The following MYLK4 variants were observed in gnomAD, a reference collection of about 807,000 sequenced individuals.
The protein encoded by MYLK4 is caMLCK like.
MYLK4 carries 46 observed loss-of-function variants against 48.1 expected under a neutral mutation model. The ratio of observed to expected loss-of-function variants is 0.96; its 90% confidence interval spans 0.75 to 1.22. MYLK4 has a LOEUF of 1.22. Ranked by LOEUF, MYLK4 falls within the 50% of genes most tolerant of loss-of-function variation. MYLK4 has a pLI of 0.00. For synonymous variants in MYLK4, 170 were observed against 180.8 expected (o/e 0.94, Z 0.48); for missense variants, 451 against 486.1 (o/e 0.93, Z 0.68).
At position 2,685,636 on chromosome 6, in the gene MYLK4, C is replaced by T. The variant is rs12527866; in HGVS notation, c.342-60G>A. 2.4e-3 allele frequency: 3,562 copies of T among 1,466,152 alleles called. 21 individuals carry two copies. The highest frequency in any genetic ancestry group is 2.0e-3 in the Non-Finnish European group (2,089 of 1,050,280). The allele number at this position is 1,466,152 out of a possible 1,614,324, so 90.8% of individuals were successfully genotyped here. ...CTGTGGTCAGCTGCCGAGTGGACAG[C>T]GCACAGTGGCCCCAGTATTTCTCCT... On this transcript the variant is annotated intron_variant, in intron 4 of 12. Coordinates refer to ENST00000274643, the MANE Select transcript of MYLK4 (RefSeq NM_001012418.5). This position sits in a 1 kb window ranked among gnomAD's most constrained non-coding sequence, Gnocchi z 4.5.
In MYLK4 at chr6:2,749,172, A is replaced by AT. The variant is rs745705002; in HGVS notation, c.122dup (p.Asn41LysfsTer12). On this transcript the variant is annotated frameshift_variant, in exon 2 of 13. Coordinates refer to ENST00000274643, the MANE Select transcript of MYLK4 (RefSeq NM_001012418.5). LOFTEE classifies it high-confidence loss of function. ...CAGATCTTGAATCCTGGTCCCCAGA[A>AT]TTTTTTTCCAGAAAACACTTCACTT... The AT allele has an allele frequency of 1.4e-5, 23 of 1,613,690 alleles. No homozygotes were observed. The African/African-American group carries it at 1.6e-4, about 11-fold the overall frequency.
Position 2,690,418 on chromosome 6 carries a change from G to A in MYLK4, c.236-1462C>T, listed in dbSNP as rs139459482. Reference sequence around the variant, plus strand: ...GAACTTCCAGGGATTCGTGGGGGTAGAAATGGCCCTTATGCTGCTGACACA... The same window carrying A: ...GAACTTCCAGGGATTCGTGGGGGTAAAAATGGCCCTTATGCTGCTGACACA... On this transcript the variant is annotated intron_variant, in intron 3 of 12. Transcript: ENST00000274643. Among the ~76,000 whole-genome samples the A allele has an allele frequency of 1.8e-4, 28 of 152,342 alleles. No homozygotes were observed. In the East Asian group the frequency reaches 5.0e-3, roughly 27 times the overall value.
intron 3 of MYLK4, among the ~76,000 whole-genome samples, chr6:2,691,039 C>T (rs1049658593): frequency 2.0e-5 from 3 of 152,038 alleles, no homozygotes; most frequent in African/African-American, 7.2e-5. Flanking sequence ...ACCGTGTTAG[C>T]CAGGATGGTC....
At chr6:2,725,288 T>G (rs139090729) in intron 2 of MYLK4, among the ~76,000 whole-genome samples, 15 of 152,042 alleles carry the variant, frequency 9.9e-5, no homozygotes, top group Admixed American at 3.3e-4. Flanking sequence ...GGAGACTCCA[T>G]CTCCACAAAA....
At chr6:2,699,287 C>CTTTTCT (rs1193027641) in intron 2 of MYLK4, among the ~76,000 whole-genome samples, 1 of 77,900 alleles carries the variant, frequency 1.3e-5, no homozygotes, top group African/African-American at 5.5e-5. Context: ...CTTTTCTTTT[C>CTTTTCT]TTTTTTTTTT....
chr6:2,700,164 C>A (rs968977754), intron 2 of MYLK4, among the ~76,000 whole-genome samples: 2 of 152,098 alleles, frequency 1.3e-5, no homozygotes, highest in Non-Finnish European at 2.9e-5. Context: ...GACTTGAGGC[C>A]GCTCTTTCTT....
At chr6:2,674,550 A>G (rs1290664722) in intron 11 of MYLK4, among the ~76,000 whole-genome samples, 2 of 152,222 alleles carry the variant, frequency 1.3e-5, no homozygotes, top group South Asian at 2.1e-4. Context: ...AACAACAAAT[A>G]CATTATTTTT....
chr6:2,756,234 C>CA, the MYLK4 span, among the ~76,000 whole-genome samples: 1 of 152,198 alleles, frequency 6.6e-6, no homozygotes, highest in East Asian at 1.9e-4. Context: ...CTGAACCTCA[C>CA]TCTCTTTAGT....
the MYLK4 span, among the ~76,000 whole-genome samples, chr6:2,769,369 G>T: frequency 6.6e-6 from 1 of 151,762 alleles, no homozygotes; most frequent in Non-Finnish European, 1.5e-5. Flanking sequence ...TGAAATAAAA[G>T]GACACAAGCT....
rs919608732 is a variant in MYLK4, at chr6:2,711,540, C to T, written c.160-18681G>A. Among the ~76,000 whole-genome samples, 31 of 152,158 alleles carry T rather than the reference C, an allele frequency of 2.0e-4. 1 individual carries two copies. The highest frequency in any genetic ancestry group is 7.0e-4 in the African/African-American group (29 of 41,446). On this transcript the variant is annotated intron_variant, in intron 2 of 12. Coordinates refer to ENST00000274643, the MANE Select transcript of MYLK4 (RefSeq NM_001012418.5). ...TAAAATGAAATGGGGGGAAGATGCT[C>T]CTTGTATTTTCAAACTTTGCACTAC...
chr6:2,679,545 ACAAT>A (rs1175462682), intron 8 of MYLK4, 137 bp from the exon 9 acceptor site: 1 of 1,154,426 alleles, frequency 8.7e-7, no homozygotes, highest in African/African-American at 1.5e-5. Context: ...AGGAAATCAA[ACAAT>A]CAAGCAAGAG....
the MYLK4 span, chr6:2,766,162 G>A: frequency 3.8e-6 from 5 of 1,333,312 alleles, no homozygotes; most frequent in Non-Finnish European, 4.8e-6. Context: ...ACGCGGACGC[G>A]GACGGCGAGG....
chr6:2,715,260 C>CAAAAA (rs11445482), intron 2 of MYLK4, among the ~76,000 whole-genome samples: 1 of 142,364 alleles, frequency 7.0e-6, no homozygotes, highest in Non-Finnish European at 1.5e-5. Flanking sequence ...GACTCCGTTT[C>CAAAAA]AAAAAAAAAA....
At chr6:2,679,574 A>T (rs1761217405) in intron 8 of MYLK4, 166 bp from the exon 9 acceptor site, 1 of 872,636 alleles carries the variant, frequency 1.1e-6, no homozygotes, top group East Asian at 2.5e-5. Context: ...AAAAACTTGT[A>T]AAGAGGCCCC....
intron 2 of MYLK4, among the ~76,000 whole-genome samples, chr6:2,744,309 C>T (rs114683926): frequency 0.015 from 2,338 of 152,296 alleles, 27 homozygotes; most frequent in Non-Finnish European, 0.023. Context: ...CAATAATTTA[C>T]GACGCTGTGA....
intron 7 of MYLK4, 96 bp downstream of exon 7, chr6:2,682,925 G>A (rs1239466840): frequency 2.9e-6 from 4 of 1,364,888 alleles, no homozygotes; most frequent in Non-Finnish European, 4.1e-6. Context: ...TGAAATGACT[G>A]TACCAATTTC....
At chr6:2,687,976 G>A (rs973162006) in intron 4 of MYLK4, among the ~76,000 whole-genome samples, 7 of 152,238 alleles carry the variant, frequency 4.6e-5, no homozygotes, top group African/African-American at 1.2e-4. Flanking sequence ...AGAAGTAAAC[G>A]AAGAAGAACA....
At chr6:2,729,761 G>A (rs1013610553) in intron 2 of MYLK4, among the ~76,000 whole-genome samples, 1 of 152,118 alleles carries the variant, frequency 6.6e-6, no homozygotes, top group Non-Finnish European at 1.5e-5. Context: ...ACCATTGGGA[G>A]AGAAGTTTCT....
chr6:2,748,666 A>C (rs894082073), intron 2 of MYLK4, among the ~76,000 whole-genome samples: 2 of 152,226 alleles, frequency 1.3e-5, no homozygotes, highest in Non-Finnish European at 2.9e-5. Context: ...CGTTCTGCAC[A>C]GAGGAGGGTA....
Sources: allele counts gnomAD v4.1 joint callset (sites outside exome capture counted in the v4.1 genomes callset), GRCh38; gene constraint gnomAD v4.1.1; non-coding constraint Gnocchi (gnomAD v3.1); transcripts MANE v1.5; gene names NCBI Gene and HGNC (gene_info 2026-07-23, HGNC 2026-07-21).